EPS15: variants seen among roughly 807,000 people sequenced by gnomAD.
The protein encoded by EPS15 is epidermal growth factor receptor pathway substrate 15, also known as epidermal growth factor receptor substrate 15.
Under a neutral mutation model 113.8 loss-of-function variants are expected in EPS15, and 72 were observed. The observed-to-expected ratio is 0.63, with a 90% CI of 0.52 to 0.77. The LOEUF (loss-of-function observed/expected upper bound fraction) is 0.77, where lower values mean the gene tolerates loss of function less well. EPS15 is among the 30% of genes least tolerant of loss of function. The pLI is 0.00. For synonymous variants in EPS15, 344 were observed against 363.4 expected, an observed-to-expected ratio of 0.95 and a Z score of 0.61; for missense variants, 1,048 against 1,045.8, an observed-to-expected ratio of 1.00 and a Z score of -0.03.
At chr1:51,377,211 C>A (rs560877372) in intron 21 of EPS15, among the ~76,000 whole-genome samples, 1 of 152,268 alleles carries the variant, frequency 6.6e-6, no homozygotes, top group South Asian at 2.1e-4. Flanking sequence ...TTGCAATGAG[C>A]CGAGACAGCT....
In EPS15 at chr1:51,363,855, A is replaced by T; in HGVS notation, c.2359+11T>A. The T allele has an allele frequency of 1.2e-6, 2 of 1,605,006 alleles. No homozygotes were observed. Among genetic ancestry groups the T allele is most frequent in the Non-Finnish European group, 1.7e-6 (2 of 1,176,250 alleles). The stretch of plus-strand genomic sequence containing the variant: ...ATGCAGTTGACTGAAGAAAAGTACC[A>T]ACTCTCATACCAGGTGGTAGAGGGC... On this transcript the variant is annotated intron_variant, in intron 23 of 24. Coordinates refer to ENST00000371733, the MANE Select transcript of EPS15 (RefSeq NM_001981.3).
intron 8 of EPS15, among the ~76,000 whole-genome samples, chr1:51,455,715 A>C (rs138981633): frequency 6.2e-4 from 95 of 152,326 alleles, no homozygotes; most frequent in East Asian, 5.2e-3. Context: ...ATATCCTTAC[A>C]ATCTAGTCAG....
rs1179715424 is a variant in EPS15 at position 51,500,732 on chromosome 1, C to G, written c.33+18467G>C. Among the ~76,000 whole-genome samples the G allele has an allele frequency of 2.6e-5, 4 of 152,094 alleles. No homozygotes were observed. In the South Asian group the frequency reaches 6.2e-4, roughly 24 times the overall value. On this transcript the variant is annotated intron_variant, in intron 1 of 24. Coordinates refer to ENST00000371733, the MANE Select transcript of EPS15 (RefSeq NM_001981.3). ...GGGTGCAGTGGCTCACGTCTGTAAT[C>G]CCAGCACTTTGGGAGGCTGAGGTGG...
intron 11 of EPS15, 45 bp downstream of exon 11, chr1:51,444,844 T>A (rs1390263003): frequency 1.3e-6 from 2 of 1,551,034 alleles, no homozygotes; most frequent in South Asian, 2.3e-5. Context: ...ATAGTATTGT[T>A]CCTTTGAAAT....
rs773609837 is a variant in EPS15 at position 51,465,273 on chromosome 1, T to C, written c.363A>G (p.Pro121=). Residue 121 remains proline, a synonymous_variant, in exon 6 of 25, where the codon CCA becomes CCG. Coordinates refer to ENST00000371733, the MANE Select transcript of EPS15 (RefSeq NM_001981.3). ...LISGTSAAEL[P]WAVKPEDKAK... is the part of the protein sequence containing the mutation. ...AAAGTTTACTTACTTTTACAGCCCA[T>C]GGGAGCTCAGCTGCAGAGGTTCCAC... 120 of 1,608,668 alleles carry C rather than the reference T, an allele frequency of 7.5e-5. 1 individual carries two copies. The Admixed American group carries it at 1.6e-3, about 22-fold the overall frequency.
intron 13 of EPS15, among the ~76,000 whole-genome samples, chr1:51,415,189 A>T (rs1650091882): frequency 6.6e-6 from 1 of 152,352 alleles, no homozygotes; most frequent in Admixed American, 6.5e-5. Context: ...TGAGCCACTT[A>T]AACACAACCT....
Position 51,409,630 on chromosome 1 carries a change from C to T in EPS15, c.1180G>A (p.Val394Ile). The T allele has an allele frequency of 6.2e-7, 1 of 1,613,626 alleles. No individual in the cohort carries two copies. The highest frequency in any genetic ancestry group is 8.5e-7 in the Non-Finnish European group (1 of 1,179,640). The change falls in exon 14 of 25, where the codon GTA becomes ATA. Residue 394 changes from valine (V) to isoleucine (I), a missense_variant. Physicochemically the swap from Val to Ile is conservative, Grantham distance 29. Transcript: ENST00000371733. ...LQKLQAQKQQ[V>I]QELLDELDEQ... ...TCCAGTTCATCAAGGAGTTCCTGTA[C>T]CTGCTGTTTCTGGGCCTGTAGTTTT...
intron 12 of EPS15, among the ~76,000 whole-genome samples, chr1:51,436,406 GAA>G (rs61508289): frequency 0.3 from 45,396 of 151,948 alleles, 9,093 homozygotes; most frequent in African/African-American, 0.57. Flanking sequence ...AGGAAACATA[GAA>G]AACAGAGAAG....
At chr1:51,366,522 A>G (rs373864911) in intron 21 of EPS15, among the ~76,000 whole-genome samples, 1 of 152,244 alleles carries the variant, frequency 6.6e-6, no homozygotes, top group Non-Finnish European at 1.5e-5. Context: ...GTATAAATCA[A>G]CTGATGAATG....
At chr1:51,481,375 G>T in intron 1 of EPS15, 61 bp from the exon 2 acceptor site, 1 of 781,010 alleles carries the variant, frequency 1.3e-6, no homozygotes, top group Non-Finnish European at 2.3e-6. Context: ...AACATATTTG[G>T]CATTCATTCA....
intron 2 of EPS15, among the ~76,000 whole-genome samples, chr1:51,478,326 C>G (rs144684553): frequency 7.5e-3 from 1,023 of 136,504 alleles, no homozygotes; most frequent in East Asian, 0.03. Flanking sequence ...TCATCCATCC[C>G]TTTATTTTGA....
At chr1:51,380,510 G>A (rs1646917250) in intron 21 of EPS15, among the ~76,000 whole-genome samples, 1 of 152,058 alleles carries the variant, frequency 6.6e-6, no homozygotes, top group African/African-American at 2.4e-5. Context: ...TATAATTGTA[G>A]GATGTTTTGT....
At chr1:51,396,745 C>T (rs1490797407) in intron 20 of EPS15, among the ~76,000 whole-genome samples, 1 of 152,126 alleles carries the variant, frequency 6.6e-6, no homozygotes. Flanking sequence ...GGCCACAAAA[C>T]TCTATGTCAG....
chr1:51,381,235 A>G (rs1392831432), intron 21 of EPS15, among the ~76,000 whole-genome samples: 1 of 152,250 alleles, frequency 6.6e-6, no homozygotes, highest in African/African-American at 2.4e-5. Flanking sequence ...ATGTTCTCCA[A>G]GACAGAACAT....
chr1:51,379,982 A>T (rs1387430080), intron 21 of EPS15, among the ~76,000 whole-genome samples: 1 of 151,948 alleles, frequency 6.6e-6, no homozygotes, highest in Non-Finnish European at 1.5e-5. Flanking sequence ...GAACAACTTG[A>T]AGCGACAGGG....
chr1:51,485,941 G>A (rs375969295), intron 1 of EPS15, among the ~76,000 whole-genome samples: 1 of 152,070 alleles, frequency 6.6e-6, no homozygotes, highest in East Asian at 2.0e-4. Flanking sequence ...GGGATTACAG[G>A]TGCCCGCCAC....
intron 5 of EPS15, among the ~76,000 whole-genome samples, chr1:51,465,973 C>T (rs1429014872): frequency 6.7e-6 from 1 of 149,370 alleles, no homozygotes; most frequent in Non-Finnish European, 1.5e-5. Flanking sequence ...GTATTCCAAC[C>T]TGGGAAACAG....
chr1:51,440,564 A>G (rs1246487240), intron 11 of EPS15, 132 bp from the exon 12 acceptor site: 1 of 377,664 alleles, frequency 2.6e-6, no homozygotes, highest in African/African-American at 2.1e-5. Flanking sequence ...ATTTTTAATT[A>G]AGAAAATCAT....
intron 1 of EPS15, among the ~76,000 whole-genome samples, chr1:51,489,582 A>G (rs1644194877): frequency 6.6e-6 from 1 of 152,032 alleles, no homozygotes; most frequent in African/African-American, 2.4e-5. Context: ...TAAGGTGTTT[A>G]GGTGGTATTA....
Sources: gnomAD v4.1 joint callset for allele counts (sites outside exome capture counted in the v4.1 genomes callset) on GRCh38, gnomAD v4.1.1 for gene constraint, MANE v1.5 for transcripts, NCBI Gene and HGNC (gene_info 2026-07-23, HGNC 2026-07-21) for gene names.